MDGA2: variants seen among roughly 807,000 people sequenced by gnomAD.
MDGA2 encodes the protein MAM domain-containing glycosylphosphatidylinositol anchor protein 2.
MDGA2 carries 40 observed loss-of-function variants against 117.8 expected under a neutral mutation model. That is an observed-to-expected ratio of 0.34 (90% CI 0.26 to 0.44). The LOEUF (loss-of-function observed/expected upper bound fraction) is 0.44, where lower values mean the gene tolerates loss of function less well. Ranked by LOEUF, MDGA2 falls within the 20% of genes least tolerant of loss-of-function variation. The pLI, the probability that MDGA2 is intolerant of heterozygous loss-of-function variation, is 1.00. For synonymous variants in MDGA2, 452 were observed against 439.0 expected (o/e 1.03, Z -0.37); for missense variants, 1,123 against 1,250.6 (o/e 0.90, Z 1.54).
At chr14:46,885,848 T>G (rs1345900026) in intron 10 of MDGA2, among the ~76,000 whole-genome samples, 1 of 152,150 alleles carries the variant, frequency 6.6e-6, no homozygotes, top group African/African-American at 2.4e-5. Flanking sequence ...ATGCCTTGAT[T>G]GTGCGTCACA....
At chr14:46,933,476 T>A (rs1884657508) in intron 9 of MDGA2, among the ~76,000 whole-genome samples, 1 of 151,770 alleles carries the variant, frequency 6.6e-6, no homozygotes, top group African/African-American at 2.4e-5. Flanking sequence ...TTAGTCTATA[T>A]AATATACCTA....
chr14:47,146,573 T>C (rs959496976), intron 3 of MDGA2, among the ~76,000 whole-genome samples: 5 of 152,242 alleles, frequency 3.3e-5, no homozygotes, highest in African/African-American at 1.2e-4. Context: ...TATTGATTAA[T>C]TGAATTTAGC....
intron 1 of MDGA2, among the ~76,000 whole-genome samples, chr14:47,572,986 G>C (rs777336073): frequency 1.3e-5 from 2 of 152,016 alleles, no homozygotes; most frequent in Non-Finnish European, 2.9e-5. Flanking sequence ...ATAATTAAAG[G>C]CAGAAATTAT....
chr14:47,436,095 C>T (rs376621344), intron 1 of MDGA2, among the ~76,000 whole-genome samples: 1 of 152,032 alleles, frequency 6.6e-6, no homozygotes, highest in East Asian at 1.9e-4. Flanking sequence ...TAGTAAAGTC[C>T]ATAGGTTATA....
At chr14:47,348,287 C>T (rs1158218188) in intron 1 of MDGA2, among the ~76,000 whole-genome samples, 4 of 151,334 alleles carry the variant, frequency 2.6e-5, no homozygotes, top group Non-Finnish European at 5.9e-5. Flanking sequence ...TGTGATCTCA[C>T]TGCAACCCCT....
intron 6 of MDGA2, among the ~76,000 whole-genome samples, chr14:47,070,404 A>C (rs1890238401): frequency 6.6e-6 from 1 of 152,162 alleles, no homozygotes; most frequent in South Asian, 2.1e-4. Context: ...GTCTTTCTCA[A>C]GTATGTGGGA....
intron 1 of MDGA2, among the ~76,000 whole-genome samples, chr14:47,569,268 C>T (rs1161046190): frequency 6.6e-6 from 1 of 152,060 alleles, no homozygotes; most frequent in East Asian, 1.9e-4. Context: ...GTGTCCAGGG[C>T]CAAAATCTAA....
chr14:47,400,529 A>T (rs552735489), intron 1 of MDGA2, among the ~76,000 whole-genome samples: 64 of 151,726 alleles, frequency 4.2e-4, no homozygotes, highest in African/African-American at 1.5e-3. Flanking sequence ...CCAACAATGA[A>T]CAAAACGCTG....
rs953842491 is a variant in MDGA2, at chr14:46,985,393, C to A, written c.1820-27750G>T. On this transcript the variant is annotated intron_variant, in intron 8 of 16. Coordinates refer to ENST00000399232, the MANE Select transcript of MDGA2 (RefSeq NM_001113498.3). ...ATATGTAGGAGTCTGTTGAAAAGAA[C>A]TGAACCGAACCTAGTGGATTACACA... 5.3e-5 allele frequency among the ~76,000 whole-genome samples: 8 copies of A among 152,134 alleles called. No individual in the cohort carries two copies. The East Asian group carries it at 7.7e-4, about 15-fold the overall frequency.
intron 9 of MDGA2, among the ~76,000 whole-genome samples, chr14:46,935,865 C>A (rs1884761578): frequency 6.6e-6 from 1 of 152,074 alleles, no homozygotes; most frequent in Admixed American, 6.6e-5. Context: ...AGTTGCGACA[C>A]TTCCATTTTA....
chr14:47,226,216 CATAAATAAATAAATAAATAAATAA>C (rs201861877), intron 2 of MDGA2, among the ~76,000 whole-genome samples: 5 of 142,858 alleles, frequency 3.5e-5, no homozygotes, highest in Non-Finnish European at 7.6e-5. Context: ...ACTGTCTCAC[CATAAATAAATAAATAAATAAATAA>C]ATAAATAAAT....
chr14:47,280,951 AAT>A (rs927065780), intron 2 of MDGA2, among the ~76,000 whole-genome samples: 3 of 148,114 alleles, frequency 2.0e-5, no homozygotes, highest in Non-Finnish European at 1.5e-5. Context: ...AAAATAATAT[AAT>A]ATATAAGGTA....
chr14:46,943,918 GTTCCAATT>G lies in MDGA2; in HGVS notation c.2089+13448_2089+13455del, dbSNP rs1207618321. ...TACATAAACAAATCAGGAAAGGTGT[GTTCCAATT>G]AAACTTCATTTACAAAAAACAGTTT... On this transcript the variant is annotated intron_variant, in intron 9 of 16. Coordinates refer to ENST00000399232, the MANE Select transcript of MDGA2 (RefSeq NM_001113498.3). Among the ~76,000 whole-genome samples, 4 of 152,134 alleles carry G rather than the reference GTTCCAATT, an allele frequency of 2.6e-5. No individual in the cohort carries two copies. In the East Asian group the frequency reaches 7.7e-4, roughly 29 times the overall value.
At chr14:47,594,397 G>C (rs1295490822) in intron 1 of MDGA2, among the ~76,000 whole-genome samples, 5 of 152,188 alleles carry the variant, frequency 3.3e-5, no homozygotes, top group African/African-American at 1.2e-4. Flanking sequence ...AATGTCTTGA[G>C]AGCATGTGCA....
At chr14:47,124,554 G>A (rs1198849273) in intron 5 of MDGA2, among the ~76,000 whole-genome samples, 2 of 152,006 alleles carry the variant, frequency 1.3e-5, no homozygotes, top group African/African-American at 4.8e-5. Flanking sequence ...AATCCTAAAT[G>A]CAAAGTCCAC....
chr14:47,489,501 T>C (rs943213603), intron 1 of MDGA2, among the ~76,000 whole-genome samples: 1 of 152,032 alleles, frequency 6.6e-6, no homozygotes, highest in Admixed American at 6.6e-5. Context: ...GCTCCCCATT[T>C]ATTTGGGGGA....
intron 7 of MDGA2, chr14:47,059,306 T>C (rs961910128): frequency 7.9e-7 from 1 of 1,268,674 alleles, no homozygotes; most frequent in African/African-American, 1.5e-5. Flanking sequence ...CATCTATCTG[T>C]AGTTAAGTGG....
intron 7 of MDGA2, among the ~76,000 whole-genome samples, chr14:47,050,864 G>C (rs181642910): frequency 2.0e-5 from 3 of 152,062 alleles, no homozygotes; most frequent in Admixed American, 2.0e-4. Context: ...ATATGGGACT[G>C]GCAAGGAGAC....
At chr14:47,625,958 A>G (rs1484624889) in intron 1 of MDGA2, among the ~76,000 whole-genome samples, 1 of 152,190 alleles carries the variant, frequency 6.6e-6, no homozygotes, top group Non-Finnish European at 1.5e-5. Flanking sequence ...GAACCTCAGG[A>G]CACCAGACAG....
Sources: gnomAD v4.1 joint callset for allele counts (sites outside exome capture counted in the v4.1 genomes callset) on GRCh38, gnomAD v4.1.1 for gene constraint, MANE v1.5 for transcripts, NCBI Gene and HGNC (gene_info 2026-07-23, HGNC 2026-07-21) for gene names.